Variants in REDIC1 observed in about 807,000 individuals in gnomAD.
The protein encoded by REDIC1 is HEI10 Interacting Protein 1.
the REDIC1 span, among the ~76,000 whole-genome samples, chr12:39,810,120 C>T: frequency 6.6e-6 from 1 of 152,162 alleles, no homozygotes; most frequent in Non-Finnish European, 1.5e-5. Flanking sequence ...TACAGTCCCA[C>T]CAACAATGTA....
chr12:39,845,980 C>A, the REDIC1 span, among the ~76,000 whole-genome samples: 1 of 152,082 alleles, frequency 6.6e-6, no homozygotes, highest in Non-Finnish European at 1.5e-5. Context: ...CAGATATACT[C>A]CAATTTGCCT....
the REDIC1 span, among the ~76,000 whole-genome samples, chr12:39,685,475 C>T: frequency 8.5e-5 from 13 of 152,134 alleles, no homozygotes; most frequent in African/African-American, 3.1e-4. Context: ...AACTCACTAT[C>T]ATGAGGACAA....
chr12:39,802,820 A>G, the REDIC1 span, among the ~76,000 whole-genome samples: 1 of 152,310 alleles, frequency 6.6e-6, no homozygotes, highest in East Asian at 1.9e-4. Context: ...ATTTATAACC[A>G]CAGGCCAAAA....
At chr12:39,763,558 G>C in the REDIC1 span, among the ~76,000 whole-genome samples, 5 of 152,026 alleles carry the variant, frequency 3.3e-5, no homozygotes, top group African/African-American at 1.2e-4. Context: ...ACTAGAGAGA[G>C]CTAAGGGCAG....
chr12:39,714,205 A>ATGCATATATGTATATG, the REDIC1 span, among the ~76,000 whole-genome samples: 4 of 37,138 alleles, frequency 1.1e-4, 1 homozygote, highest in African/African-American at 1.7e-4. Context: ...ATATGTATAT[A>ATGCATATATGTATATG]CATGCATATA....
At chr12:39,686,608 A>C in the REDIC1 span, among the ~76,000 whole-genome samples, 2 of 152,212 alleles carry the variant, frequency 1.3e-5, no homozygotes, top group African/African-American at 4.8e-5. Flanking sequence ...AAGTTCTGTG[A>C]AATGCCATTG....
chr12:39,898,427 C>T, the REDIC1 span, among the ~76,000 whole-genome samples: 1 of 152,060 alleles, frequency 6.6e-6, no homozygotes, highest in African/African-American at 2.4e-5. Flanking sequence ...AGTAAAATAA[C>T]CAGTGTTTGT....
chr12:39,697,476 A>G, the REDIC1 span, among the ~76,000 whole-genome samples: 1 of 152,344 alleles, frequency 6.6e-6, no homozygotes, highest in South Asian at 2.1e-4. Flanking sequence ...ATAACACTGT[A>G]AATGTGTGTA....
the REDIC1 span, among the ~76,000 whole-genome samples, chr12:39,848,037 A>T: frequency 6.6e-6 from 1 of 152,096 alleles, no homozygotes; most frequent in African/African-American, 2.4e-5. Context: ...GTGCCAAATG[A>T]AAGAATGAAA....
At chr12:39,904,955 G>C in the REDIC1 span, among the ~76,000 whole-genome samples, 3 of 152,064 alleles carry the variant, frequency 2.0e-5, no homozygotes, top group Admixed American at 1.3e-4. Flanking sequence ...TTTTGATACA[G>C]ACGTGCAGGC....
At chr12:39,907,139 T>C in the REDIC1 span, among the ~76,000 whole-genome samples, 2 of 152,186 alleles carry the variant, frequency 1.3e-5, no homozygotes, top group Non-Finnish European at 2.9e-5. Flanking sequence ...TAGTAATCCT[T>C]TGTAATTTTC....
the REDIC1 span, among the ~76,000 whole-genome samples, chr12:39,738,501 G>A: frequency 1.1e-4 from 17 of 152,156 alleles, no homozygotes; most frequent in South Asian, 8.3e-4. Context: ...TATATTTTGT[G>A]TATGAAAGGA....
the REDIC1 span, among the ~76,000 whole-genome samples, chr12:39,678,213 G>A: frequency 6.6e-6 from 1 of 151,940 alleles, no homozygotes; most frequent in African/African-American, 2.4e-5. Context: ...ACAAAGAATA[G>A]AGAAGACCCA....
At chr12:39,641,122 T>C in the REDIC1 span, 1 of 655,496 alleles carries the variant, frequency 1.5e-6, no homozygotes, top group East Asian at 2.8e-5. Context: ...TACATCCTTG[T>C]TGATAGCTTG....
At chr12:39,734,410 A>C in the REDIC1 span, among the ~76,000 whole-genome samples, 3 of 152,186 alleles carry the variant, frequency 2.0e-5, no homozygotes, top group African/African-American at 7.2e-5. Flanking sequence ...GAAGGGCAAA[A>C]GTTTTAAATT....
the REDIC1 span, among the ~76,000 whole-genome samples, chr12:39,883,841 A>G: frequency 6.6e-6 from 1 of 152,210 alleles, no homozygotes; most frequent in African/African-American, 2.4e-5. Flanking sequence ...GAGGTCAGGA[A>G]CATGCAGGAT....
chr12:39,669,689 G>A, the REDIC1 span, among the ~76,000 whole-genome samples: 3 of 152,202 alleles, frequency 2.0e-5, no homozygotes, highest in Non-Finnish European at 2.9e-5. Context: ...CTTGAGCTGC[G>A]GTGGGCTCCA....
the REDIC1 span, among the ~76,000 whole-genome samples, chr12:39,640,108 C>T: frequency 2.7e-5 from 4 of 148,842 alleles, no homozygotes; most frequent in African/African-American, 9.9e-5. Flanking sequence ...TTTTGTCTTT[C>T]CCCCAAGTTC....
At chr12:39,753,481 A>G in the REDIC1 span, among the ~76,000 whole-genome samples, 1 of 152,190 alleles carries the variant, frequency 6.6e-6, no homozygotes, top group Non-Finnish European at 1.5e-5. Context: ...TGTTCTTTTC[A>G]TCAACTGCCA....
Sources: allele counts gnomAD v4.1 joint callset (sites outside exome capture counted in the v4.1 genomes callset), GRCh38; gene constraint gnomAD v4.1.1; transcripts MANE v1.5; gene names NCBI Gene and HGNC (gene_info 2026-07-23, HGNC 2026-07-21).